SMARCC1: variants seen among roughly 807,000 people sequenced by gnomAD.
The protein encoded by SMARCC1 is SWI/SNF related BAF chromatin remodeling complex subunit C1.
Under a neutral mutation model 147.4 loss-of-function variants are expected in SMARCC1, and 43 were observed. The ratio of observed to expected loss-of-function variants is 0.29; its 90% confidence interval spans 0.23 to 0.38. SMARCC1 has a LOEUF of 0.38. Ranked by LOEUF, SMARCC1 falls within the 10% of genes least tolerant of loss-of-function variation. The probability of loss-of-function intolerance (pLI) is 1.00; values close to 1 mark genes in which losing one functional copy is unlikely to be tolerated. For missense variants in SMARCC1, 1,119 were observed against 1,381.1 expected (o/e 0.81, Z 3.01); for synonymous variants, 495 against 484.4 (o/e 1.02, Z -0.29).
At chr3:47,689,642 AAC>A (rs914599983) in intron 12 of SMARCC1, among the ~76,000 whole-genome samples, 1 of 152,226 alleles carries the variant, frequency 6.6e-6, no homozygotes, top group Admixed American at 6.5e-5. Context: ...AAAAATTTCA[AAC>A]AGTGGGGAAT....
rs10662354 is a variant in SMARCC1 at position 47,780,168 on chromosome 3, G to GTTTTTT, written c.195+1429_195+1434dup. Among the ~76,000 whole-genome samples the GTTTTTT allele has an allele frequency of 4.7e-4, 29 of 61,884 alleles. 1 individual carries two copies. The highest frequency in any genetic ancestry group is 1.1e-3 in the East Asian group (2 of 1,862). 40.6% of individuals were successfully genotyped at this position (61,884 alleles called of 152,430 possible). On this transcript the variant is annotated intron_variant, in intron 1 of 27. Coordinates refer to ENST00000254480, the MANE Select transcript of SMARCC1 (RefSeq NM_003074.4). The stretch of plus-strand genomic sequence containing the variant: ...ATTTCTGGGTCTTTGGTTTTTTTTT[G>GTTTTTT]TTTTTTTTTTTTTTTTTTTTTTGGA...
intron 20 of SMARCC1, 74 bp downstream of exon 20, chr3:47,662,260 G>A (rs2033356229): frequency 8.2e-7 from 1 of 1,215,190 alleles, no homozygotes; most frequent in East Asian, 2.3e-5. Flanking sequence ...AGAAATGAAT[G>A]TAACGGCTGG....
chr3:47,631,350 AT>A (rs2032888062), intron 24 of SMARCC1, among the ~76,000 whole-genome samples: 1 of 152,350 alleles, frequency 6.6e-6, no homozygotes, highest in African/African-American at 2.4e-5. Flanking sequence ...CAAAGGAAAT[AT>A]CTGTGGTTTT....
At chr3:47,678,385 A>G in intron 15 of SMARCC1, 74 bp from the exon 16 acceptor site, 1 of 628,930 alleles carries the variant, frequency 1.6e-6, no homozygotes, top group Non-Finnish European at 2.7e-6. Flanking sequence ...AAACTCAAAA[A>G]TCTTCAGATT....
intron 1 of SMARCC1, among the ~76,000 whole-genome samples, chr3:47,778,288 TG>T (rs2035001665): frequency 6.6e-6 from 1 of 151,752 alleles, no homozygotes; most frequent in African/African-American, 2.4e-5. Flanking sequence ...GGTTTTTTTT[TG>T]TTTTTGTTTT....
chr3:47,615,146 T>C (rs1469349859), intron 25 of SMARCC1, among the ~76,000 whole-genome samples: 1 of 152,212 alleles, frequency 6.6e-6, no homozygotes, highest in East Asian at 1.9e-4. Context: ...GCCCATAACA[T>C]ACACACAAAG....
chr3:47,643,077 T>C (rs1246872671), intron 21 of SMARCC1, among the ~76,000 whole-genome samples: 4 of 152,132 alleles, frequency 2.6e-5, no homozygotes, highest in African/African-American at 9.7e-5. Context: ...AACTGGAATT[T>C]CCTAAAATGT....
Position 47,781,825 on chromosome 3 carries a change from G to T in SMARCC1, c.-28C>A, listed in dbSNP as rs573053461. The T allele has an allele frequency of 3.1e-6, 4 of 1,308,352 alleles. No individual in the cohort carries two copies. The highest frequency in any genetic ancestry group is 8.4e-5 in the Admixed American group (2 of 23,826). The allele number at this position is 1,308,352 out of a possible 1,614,324, so 81.0% of individuals were successfully genotyped here. ...TCGCAGCCCGTCGTCCCCACAGCCT[G>T]GCCCACCCCGGCCCTCGCGGTGTTT... is the stretch of plus-strand genomic sequence containing the variant. On this transcript the variant is annotated 5_prime_UTR_variant, in exon 1 of 28. Transcript: ENST00000254480.
At chr3:47,630,181 G>A (rs974609540) in intron 24 of SMARCC1, among the ~76,000 whole-genome samples, 77 of 148,682 alleles carry the variant, frequency 5.2e-4, no homozygotes, top group African/African-American at 1.8e-3. Flanking sequence ...GGTGGGGGTG[G>A]GGGGTGGGGG....
chr3:47,647,605 G>A (rs1464154658), intron 21 of SMARCC1, among the ~76,000 whole-genome samples: 2 of 152,198 alleles, frequency 1.3e-5, no homozygotes, highest in African/African-American at 4.8e-5. Flanking sequence ...TATCTTTTAA[G>A]AGTATAAAGG....
chr3:47,773,850 T>C (rs550677988), intron 1 of SMARCC1, among the ~76,000 whole-genome samples: 3 of 152,066 alleles, frequency 2.0e-5, no homozygotes, highest in Admixed American at 1.3e-4. Context: ...GCCAGGCTGG[T>C]CTTTAACTTC....
chr3:47,695,685 C>T (rs1049998066), intron 11 of SMARCC1, among the ~76,000 whole-genome samples: 1 of 147,750 alleles, frequency 6.8e-6, no homozygotes, highest in Non-Finnish European at 1.5e-5. Flanking sequence ...AAGAATCACA[C>T]GAACCCGGCG....
At chr3:47,732,036 A>G (rs2034380687) in intron 5 of SMARCC1, among the ~76,000 whole-genome samples, 1 of 152,234 alleles carries the variant, frequency 6.6e-6, no homozygotes, top group East Asian at 1.9e-4. Flanking sequence ...TATTTCATTT[A>G]CATTGAACAT....
chr3:47,762,262 T>C (rs2034781945), intron 2 of SMARCC1, among the ~76,000 whole-genome samples: 1 of 152,172 alleles, frequency 6.6e-6, no homozygotes, highest in African/African-American at 2.4e-5. Context: ...ATAAAACCAG[T>C]GATCAAGTCC....
At chr3:47,663,528 T>C (rs1225635403) in intron 19 of SMARCC1, 2 of 897,616 alleles carry the variant, frequency 2.2e-6, no homozygotes, top group African/African-American at 3.3e-5. Context: ...AGAGGATCTC[T>C]TGAGCCCAGG....
chr3:47,693,189 G>A, intron 12 of SMARCC1, 52 bp downstream of exon 12: 1 of 1,012,954 alleles, frequency 9.9e-7, no homozygotes, highest in Non-Finnish European at 1.6e-6. Context: ...CAAAGGAGAT[G>A]ACATATTCAA....
At chr3:47,648,993 C>T (rs1189003602) in intron 21 of SMARCC1, among the ~76,000 whole-genome samples, 1 of 152,138 alleles carries the variant, frequency 6.6e-6, no homozygotes, top group East Asian at 1.9e-4. Context: ...CATCCTACTA[C>T]CTAATAAATA....
chr3:47,705,506 A>G (rs1035767074), intron 10 of SMARCC1, among the ~76,000 whole-genome samples: 20 of 152,158 alleles, frequency 1.3e-4, no homozygotes, highest in Admixed American at 1.3e-3. Context: ...AGGTTTTTAA[A>G]TGTCCCTAAA....
At chr3:47,759,382 G>A (rs1222009575) in intron 2 of SMARCC1, among the ~76,000 whole-genome samples, 1 of 151,200 alleles carries the variant, frequency 6.6e-6, no homozygotes, top group East Asian at 2.0e-4. Flanking sequence ...CAGCACTTTG[G>A]GAGGCTGAGG....
Sources: gnomAD v4.1 joint callset for allele counts (sites outside exome capture counted in the v4.1 genomes callset) on GRCh38, gnomAD v4.1.1 for gene constraint, MANE v1.5 for transcripts, NCBI Gene and HGNC (gene_info 2026-07-23, HGNC 2026-07-21) for gene names.